The following TSPEAR variants were observed in gnomAD, a reference collection of about 807,000 sequenced individuals.
TSPEAR encodes the protein thrombospondin type laminin G domain and EAR repeats, also known as thrombospondin-type laminin G domain and EAR repeat-containing protein.
Under a neutral mutation model 71.6 loss-of-function variants are expected in TSPEAR, and 69 were observed. The observed-to-expected ratio is 0.96, with a 90% CI of 0.79 to 1.18. The LOEUF (loss-of-function observed/expected upper bound fraction) is 1.18, where lower values mean the gene tolerates loss of function less well. TSPEAR is among the 50% of genes most tolerant of loss of function. The pLI is 0.00. For missense variants in TSPEAR, 971 were observed against 894.9 expected, an observed-to-expected ratio of 1.09 and a Z score of -1.09; for synonymous variants, 402 against 387.2, an observed-to-expected ratio of 1.04 and a Z score of -0.45.
chr21:44,627,342 C>T (rs1982886647), intron 1 of TSPEAR: 5 of 1,613,336 alleles, frequency 3.1e-6, no homozygotes, highest in Non-Finnish European at 4.2e-6. Context: ...CCAGCCCCTG[C>T]TGCCAGGTGA....
intron 1 of TSPEAR, among the ~76,000 whole-genome samples, chr21:44,569,349 G>A (rs1309519673): frequency 6.6e-6 from 1 of 152,076 alleles, no homozygotes; most frequent in African/African-American, 2.4e-5. Flanking sequence ...AGGGTGTAAC[G>A]GGCACTTACA....
chr21:44,693,404 GA>G (rs1485916102), intron 1 of TSPEAR, among the ~76,000 whole-genome samples: 4 of 152,108 alleles, frequency 2.6e-5, no homozygotes, highest in Admixed American at 6.5e-5. Context: ...ACACTGTCAA[GA>G]AAGTGAAAAG....
At chr21:44,597,859 A>T (rs1980472701) in intron 1 of TSPEAR, among the ~76,000 whole-genome samples, 1 of 152,188 alleles carries the variant, frequency 6.6e-6, no homozygotes, top group South Asian at 2.1e-4. Context: ...GATTTAGTTT[A>T]TATCTATCTG....
At chr21:44,615,042 T>C (rs1378820189) in intron 1 of TSPEAR, among the ~76,000 whole-genome samples, 3 of 152,294 alleles carry the variant, frequency 2.0e-5, no homozygotes, top group Middle Eastern at 3.4e-3. Flanking sequence ...GAGCTCCAGC[T>C]GGCTGTGGAA....
At chr21:44,677,987 A>T (rs184734357) in intron 1 of TSPEAR, 111 of 1,074,306 alleles carry the variant, frequency 1.0e-4, no homozygotes, top group Non-Finnish European at 1.1e-4. Context: ...CCTGAAGTAG[A>T]GTATCGGCGG....
At chr21:44,684,252 C>T (rs570847382) in intron 1 of TSPEAR, among the ~76,000 whole-genome samples, 29 of 152,160 alleles carry the variant, frequency 1.9e-4, no homozygotes, top group Non-Finnish European at 2.8e-4. Flanking sequence ...AGACTGAGGC[C>T]GGGCCGGGCA....
chr21:44,602,649 G>A (rs1436505085), intron 1 of TSPEAR, among the ~76,000 whole-genome samples: 1 of 152,238 alleles, frequency 6.6e-6, no homozygotes, highest in East Asian at 1.9e-4. Flanking sequence ...TGGGAGTCTG[G>A]AATTCTGGCG....
chr21:44,573,546 C>A (rs1978292717), intron 1 of TSPEAR, among the ~76,000 whole-genome samples: 1 of 152,176 alleles, frequency 6.6e-6, no homozygotes, highest in South Asian at 2.1e-4. Context: ...AACTGAGCAA[C>A]AGCTCTTGGG....
Position 44,499,742 on chromosome 21 carries a change from C to A in TSPEAR, c.*41G>T. 1 of 1,524,818 alleles carries A rather than the reference C, an allele frequency of 6.6e-7. No individual in the cohort carries two copies. The highest frequency in any genetic ancestry group is 8.8e-7 in the Non-Finnish European group (1 of 1,136,234). 94.5% of individuals were successfully genotyped at this position (1,524,818 alleles called of 1,614,324 possible). A position where few individuals can be genotyped will look rare whatever the true frequency, so the allele number is the denominator to read the frequency against. ...AGTTGGGGGAGGTGCTGGGGTCCCG[C>A]CCCACCTGGCCACCCCAGTTGCTGC... is the stretch of plus-strand genomic sequence containing the variant. On this transcript the variant is annotated 3_prime_UTR_variant, in exon 12 of 12. Coordinates refer to ENST00000323084, the MANE Select transcript of TSPEAR (RefSeq NM_144991.3).
intron 9 of TSPEAR, chr21:44,516,228 A>C (rs2052564148): frequency 6.6e-6 from 1 of 152,278 alleles, no homozygotes. Flanking sequence ...GGGCTTTCAG[A>C]ATGAGGCTGT....
At chr21:44,697,946 T>G in intron 1 of TSPEAR, 1 of 1,607,270 alleles carries the variant, frequency 6.2e-7, no homozygotes, top group Non-Finnish European at 8.5e-7. Flanking sequence ...CTGAGGCCTC[T>G]GCTCAGGCCA....
intron 8 of TSPEAR, among the ~76,000 whole-genome samples, chr21:44,522,361 AC>A (rs2145962024): frequency 6.6e-6 from 1 of 152,298 alleles, no homozygotes; most frequent in South Asian, 2.1e-4. Flanking sequence ...CGCCCTTGGG[AC>A]AGGTGTACAT....
At position 44,537,076 on chromosome 21, in the gene TSPEAR, C is replaced by G. The variant is rs139911680; in HGVS notation, c.304-3153G>C. ...TGTACTGTGTAACTGCAAGGCAAGA[C>G]AAGATGAACAATTATAGTTTCCTCC... On this transcript the variant is annotated intron_variant, in intron 2 of 11. Transcript: ENST00000323084. Among the ~76,000 whole-genome samples the G allele has an allele frequency of 2.7e-3, 417 of 152,302 alleles. 5 individuals carry two copies. The Middle Eastern group carries it at 0.037, about 14-fold the overall frequency.
At chr21:44,590,685 G>A (rs1979729678) in intron 1 of TSPEAR, among the ~76,000 whole-genome samples, 1 of 152,178 alleles carries the variant, frequency 6.6e-6, no homozygotes, top group Admixed American at 6.5e-5. Context: ...GGGTGAGGCT[G>A]CTGGCTGGAG....
At chr21:44,579,044 C>T (rs1320238690) in intron 1 of TSPEAR, among the ~76,000 whole-genome samples, 4 of 152,338 alleles carry the variant, frequency 2.6e-5, no homozygotes, top group South Asian at 4.1e-4. Flanking sequence ...CCTCTCCCCC[C>T]GCATTGCTGC....
At chr21:44,545,447 A>G (rs2053289238) in intron 2 of TSPEAR, among the ~76,000 whole-genome samples, 1 of 152,212 alleles carries the variant, frequency 6.6e-6, no homozygotes, top group South Asian at 2.1e-4. Context: ...ACCCAACAAG[A>G]GTAGACAACA....
At chr21:44,555,492 G>T (rs2146041194) in intron 2 of TSPEAR, among the ~76,000 whole-genome samples, 1 of 152,262 alleles carries the variant, frequency 6.6e-6, no homozygotes, top group Non-Finnish European at 1.5e-5. Context: ...TGAAGATGCA[G>T]AAGCCGTGTT....
At chr21:44,622,665 C>A (rs1237407607) in intron 1 of TSPEAR, among the ~76,000 whole-genome samples, 2 of 152,216 alleles carry the variant, frequency 1.3e-5, no homozygotes. Context: ...GAACTTCCTT[C>A]TCCTTTCTCT....
chr21:44,611,317 T>C (rs1555930872), intron 1 of TSPEAR, among the ~76,000 whole-genome samples: 1 of 152,112 alleles, frequency 6.6e-6, no homozygotes, highest in Admixed American at 6.5e-5. Flanking sequence ...GGGCCGGTCT[T>C]TTCCTGTGCT....
Sources: allele counts gnomAD v4.1 joint callset (sites outside exome capture counted in the v4.1 genomes callset), GRCh38; gene constraint gnomAD v4.1.1; transcripts MANE v1.5; gene names NCBI Gene and HGNC (gene_info 2026-07-23, HGNC 2026-07-21).